ZC3H14: variants seen among roughly 807,000 people sequenced by gnomAD.
ZC3H14 encodes zinc finger CCCH-type containing 14, also known as zinc finger CCCH domain-containing protein 14.
In ZC3H14, 31 loss-of-function variants were observed where a neutral mutation model predicts 92.4. That is an observed-to-expected ratio of 0.34 (90% CI 0.25 to 0.45). The LOEUF (loss-of-function observed/expected upper bound fraction) is 0.45, where lower values mean the gene tolerates loss of function less well. ZC3H14 is among the 20% of genes least tolerant of loss of function. ZC3H14 has a pLI of 1.00. For synonymous variants in ZC3H14, 321 were observed against 300.9 expected (o/e 1.07, Z -0.69); for missense variants, 781 against 897.3 (o/e 0.87, Z 1.66).
intron 2 of ZC3H14, among the ~76,000 whole-genome samples, chr14:88,567,407 G>C (rs566574657): frequency 7.4e-5 from 11 of 149,388 alleles, no homozygotes; most frequent in Admixed American, 6.7e-4. Context: ...GAGCCACCGC[G>C]CCTGGCCTTT....
chr14:88,596,736 A>T lies in ZC3H14; in HGVS notation c.1282A>T (p.Thr428Ser). ...AAGTTTTAAAATTTATATTCTAGGAACTCAACAGAGGCAATTATTATCCCG... is the reference window on the plus strand; with the variant it reads ...AAGTTTTAAAATTTATATTCTAGGATCTCAACAGAGGCAATTATTATCCCG... The part of the protein sequence containing the change: ...KGDSVEKNQG[T>S]QQRQLLSRLQ... Residue 428 changes from threonine to serine, a missense_variant and splice_region_variant, in exon 10 of 17, where the codon ACT becomes TCT. Transcript: ENST00000251038. 6.2e-7 allele frequency: 1 copy of T among 1,613,852 alleles called. No homozygotes were observed. The highest frequency in any genetic ancestry group is 8.5e-7 in the Non-Finnish European group (1 of 1,179,812).
At chr14:88,572,005 A>G in intron 4 of ZC3H14, 25 bp from the exon 5 acceptor site, 1 of 1,541,886 alleles carries the variant, frequency 6.5e-7, no homozygotes, top group Non-Finnish European at 8.9e-7. Flanking sequence ...AAAATAGATT[A>G]AAAGGACTGT....
intron 2 of ZC3H14, among the ~76,000 whole-genome samples, chr14:88,564,283 C>T (rs1397062832): frequency 1.3e-5 from 2 of 152,094 alleles, no homozygotes; most frequent in Admixed American, 1.3e-4. Context: ...CTTTTTCCGT[C>T]TCTTTATTCT....
Position 88,617,003 on chromosome 14 carries a change from A to C in ZC3H14, c.*5252A>C. ...ATGTTACTTAAAATACAGGAAGTAA[A>C]TTATGGTAAGTTGTTTGGAGACCTG... On this transcript the variant is annotated 3_prime_UTR_variant, in exon 17 of 17. Transcript: ENST00000251038. 1.2e-6 allele frequency: 1 copy of C among 848,582 alleles called. No homozygotes were observed. The highest frequency in any genetic ancestry group is 1.8e-6 in the Non-Finnish European group (1 of 565,762). The allele number at this position is 848,582 out of a possible 1,614,324, so 52.6% of individuals were successfully genotyped here. A position where few individuals can be genotyped will look rare whatever the true frequency, so the allele number is the denominator to read the frequency against.
chr14:88,572,586 A>T lies in ZC3H14; in HGVS notation c.440A>T (p.Tyr147Phe), dbSNP rs774380106. ...ESKTTNVRQT[Y>F]DDGAATRLMS... ...GTTGTTCTTTTAAATAGACAGACTT[A>T]CGATGATGGAGCTGCAACCCGACTA... is the stretch of plus-strand genomic sequence containing the variant. Residue 147 changes from tyrosine (Y) to phenylalanine (F), a missense_variant, in exon 6 of 17, where the codon TAC becomes TTC. Physicochemically the swap from Tyr to Phe is conservative, Grantham distance 22. Transcript: ENST00000251038. 1.2e-6 allele frequency: 2 copies of T among 1,614,202 alleles called. No individual in the cohort carries two copies. The highest frequency in any genetic ancestry group is 2.2e-5 in the South Asian group (2 of 91,090).
intron 9 of ZC3H14, among the ~76,000 whole-genome samples, chr14:88,580,479 C>T (rs1474010169): frequency 6.6e-6 from 1 of 151,864 alleles, no homozygotes. Context: ...CAGAAAACAG[C>T]AATTTAAAAA....
At chr14:88,605,916 A>G (rs1381642721) in intron 12 of ZC3H14, among the ~76,000 whole-genome samples, 4 of 152,202 alleles carry the variant, frequency 2.6e-5, no homozygotes. Flanking sequence ...TAGATGAGGA[A>G]ACAGAATTCC....
At chr14:88,593,989 C>T (rs979846800) in intron 9 of ZC3H14, among the ~76,000 whole-genome samples, 1 of 152,046 alleles carries the variant, frequency 6.6e-6, no homozygotes, top group African/African-American at 2.4e-5. Flanking sequence ...TCTTATTTCC[C>T]CATCCTTAAG....
rs2089221685 is a variant in ZC3H14 at position 88,622,707 on chromosome 14, CCTT to C, written c.*10960_*10962del. On this transcript the variant is annotated 3_prime_UTR_variant, in exon 17 of 17. Transcript: ENST00000251038. ...CTGATCCCACAGTTTAACCGCTCCT[CCTT>C]CTTTTGACCTAAGTAAATAACCAAG... 1.9e-6 allele frequency: 3 copies of C among 1,606,718 alleles called. No homozygotes were observed. Among genetic ancestry groups the C allele is most frequent in the East Asian group, 2.2e-5 (1 of 44,532 alleles).
At chr14:88,583,079 A>ATTTTTTT (rs34990579) in intron 9 of ZC3H14, among the ~76,000 whole-genome samples, 1 of 129,340 alleles carries the variant, frequency 7.7e-6, no homozygotes, top group Non-Finnish European at 1.6e-5. Flanking sequence ...GGCTTTATTG[A>ATTTTTTT]TTTTTTTTTT....
chr14:88,605,234 G>A (rs950399157), intron 12 of ZC3H14, among the ~76,000 whole-genome samples: 12 of 152,220 alleles, frequency 7.9e-5, no homozygotes, highest in Middle Eastern at 3.4e-3. Flanking sequence ...TTTACTTTGC[G>A]GGGATGACAC....
rs1010238618 is a variant in ZC3H14 at position 88,570,981 on chromosome 14, T to A, written c.195-103T>A. The stretch of plus-strand genomic sequence containing the variant: ...AAAATAATAAAAATATAAAAAAATT[T>A]AAAAAATTATCTCTGAATATAATGT... On this transcript the variant is annotated intron_variant, in intron 3 of 16. Coordinates refer to ENST00000251038, the MANE Select transcript of ZC3H14 (RefSeq NM_024824.5). 9.7e-6 allele frequency: 9 copies of A among 930,660 alleles called. No individual in the cohort carries two copies. The African/African-American group carries it at 1.0e-4, about 11-fold the overall frequency. 57.7% of individuals were successfully genotyped at this position (930,660 alleles called of 1,614,324 possible). A position where few individuals can be genotyped will look rare whatever the true frequency, so the allele number is the denominator to read the frequency against.
In ZC3H14 at chr14:88,618,695, G is replaced by A. The variant is rs367660901; in HGVS notation, c.*6944G>A. 3.1e-5 allele frequency: 50 copies of A among 1,612,480 alleles called. No homozygotes were observed. Among genetic ancestry groups the A allele is most frequent in the African/African-American group, 1.7e-4 (13 of 75,042 alleles). On this transcript the variant is annotated 3_prime_UTR_variant, in exon 17 of 17. Coordinates refer to ENST00000251038, the MANE Select transcript of ZC3H14 (RefSeq NM_024824.5). ...CAGAGAAGTCCATTTGAATGACAAAGCTTGGAATGTCTTTGCAGTAGCTGA... is the reference window on the plus strand; with the variant it reads ...CAGAGAAGTCCATTTGAATGACAAAACTTGGAATGTCTTTGCAGTAGCTGA...
intron 15 of ZC3H14, 129 bp from the exon 16 acceptor site, chr14:88,610,703 CTG>C: frequency 1.2e-6 from 1 of 847,858 alleles, no homozygotes; most frequent in Non-Finnish European, 1.9e-6. Context: ...ACTCGGGAGA[CTG>C]AGGCAAGAGG....
rs1353646118 is a variant in ZC3H14, at chr14:88,614,483, A to AATCTTC, written c.*2735_*2740dup. ...TTAGACACAGAAAATAGGTATTAAGAATCTTCATATATCCTGTCAGACCAA... is the reference window on the plus strand; with the variant it reads ...TTAGACACAGAAAATAGGTATTAAGAATCTTCATCTTCATATATCCTGTCAGACCAA... On this transcript the variant is annotated 3_prime_UTR_variant, in exon 17 of 17. Transcript: ENST00000251038. 1 of 152,212 alleles carries AATCTTC rather than the reference A, an allele frequency of 6.6e-6. No homozygotes were observed. Among genetic ancestry groups the AATCTTC allele is most frequent in the Non-Finnish European group, 1.5e-5 (1 of 68,036 alleles). 9.4% of individuals were successfully genotyped at this position (152,212 alleles called of 1,614,324 possible).
intron 11 of ZC3H14, 29 bp from the exon 12 acceptor site, chr14:88,602,799 T>G: frequency 1.2e-6 from 2 of 1,610,742 alleles, no homozygotes; most frequent in Non-Finnish European, 1.7e-6. Flanking sequence ...GTTTCCCTAA[T>G]TCTATGGTAT....
Position 88,618,895 on chromosome 14 carries a change from T to TA in ZC3H14, c.*7144_*7145insA. ...AGATCAGTGACTTTTCCTTTCTAGTTCTTAAAAGTAACGTGTGATAAGGCC... is the reference window on the plus strand; with the variant it reads ...AGATCAGTGACTTTTCCTTTCTAGTTACTTAAAAGTAACGTGTGATAAGGCC... On this transcript the variant is annotated 3_prime_UTR_variant, in exon 17 of 17. Coordinates refer to ENST00000251038, the MANE Select transcript of ZC3H14 (RefSeq NM_024824.5). 1 of 1,404,924 alleles carries TA rather than the reference T, an allele frequency of 7.1e-7. No individual in the cohort carries two copies. Among genetic ancestry groups the TA allele is most frequent in the Non-Finnish European group, 9.5e-7 (1 of 1,058,008 alleles). The allele number at this position is 1,404,924 out of a possible 1,614,324, so 87.0% of individuals were successfully genotyped here.
intron 4 of ZC3H14, 30 bp downstream of exon 4, chr14:88,571,154 C>G: frequency 6.5e-7 from 1 of 1,527,036 alleles, no homozygotes; most frequent in Non-Finnish European, 8.9e-7. Context: ...TTTTTAATTT[C>G]TGCTTGCTAT....
Position 88,578,159 on chromosome 14 carries a change from T to C in ZC3H14, c.1279+19T>C. 6.2e-7 allele frequency: 1 copy of C among 1,613,424 alleles called. No homozygotes were observed. Among genetic ancestry groups the C allele is most frequent in the South Asian group, 1.1e-5 (1 of 91,068 alleles). On this transcript the variant is annotated intron_variant, in intron 9 of 16. Coordinates refer to ENST00000251038, the MANE Select transcript of ZC3H14 (RefSeq NM_024824.5). ...AATCAAGGTAATAACTTAAATGATG[T>C]TTCACTCTTTACTACAGTTTTTTCA... is the stretch of plus-strand genomic sequence containing the variant.
Sources: allele counts gnomAD v4.1 joint callset (sites outside exome capture counted in the v4.1 genomes callset), GRCh38; gene constraint gnomAD v4.1.1; transcripts MANE v1.5; gene names NCBI Gene and HGNC (gene_info 2026-07-23, HGNC 2026-07-21).